NEIL3: variants seen among roughly 807,000 people sequenced by gnomAD.
NEIL3 encodes the protein nei like DNA glycosylase 3.
Under a neutral mutation model 57.5 loss-of-function variants are expected in NEIL3, and 48 were observed. That is an observed-to-expected ratio of 0.83 (90% CI 0.66 to 1.06). NEIL3 has a LOEUF of 1.06. NEIL3 is among the 50% of genes least tolerant of loss of function. NEIL3 has a pLI of 0.00. For missense variants in NEIL3, 717 were observed against 739.1 expected (o/e 0.97, Z 0.35); for synonymous variants, 261 against 253.2 (o/e 1.03, Z -0.29).
intron 1 of NEIL3, among the ~76,000 whole-genome samples, chr4:177,315,145 G>A (rs1040394754): frequency 2.6e-5 from 4 of 151,410 alleles, no homozygotes; most frequent in Non-Finnish European, 5.9e-5. Context: ...GAGTATGAAA[G>A]TAAATATGGT....
In NEIL3 at chr4:177,353,707, G is replaced by T. The variant is rs116685059; in HGVS notation, c.1439G>T (p.Cys480Phe). 1.2e-6 allele frequency: 2 copies of T among 1,612,012 alleles called. No homozygotes were observed. Among genetic ancestry groups the T allele is most frequent in the East Asian group, 2.2e-5 (1 of 44,836 alleles). The change falls in exon 8 of 10, where the codon TGC (cysteine) becomes TTC (phenylalanine). Residue 480 changes from cysteine to phenylalanine, a missense_variant. Cys to Phe is a radical substitution (Grantham distance 205). Coordinates refer to ENST00000264596, the MANE Select transcript of NEIL3 (RefSeq NM_018248.3). ...AQYSSPELKS[C>F]NPGYSNSELQ... ...TACTCATCACCAGAGCTTAAAAGCT[G>T]CAACCCTGGATATTCTAACAGGTAT...
chr4:177,369,143 G>A, the NEIL3 span, among the ~76,000 whole-genome samples: 1 of 152,178 alleles, frequency 6.6e-6, no homozygotes, highest in African/African-American at 2.4e-5. Context: ...GGGAAAATAA[G>A]CACTTTAAGC....
chr4:177,347,245 A>G (rs1346008059), intron 6 of NEIL3, among the ~76,000 whole-genome samples: 3 of 152,094 alleles, frequency 2.0e-5, no homozygotes, highest in Non-Finnish European at 4.4e-5. Context: ...CCAGAAAAGC[A>G]TAAAGCCTCT....
chr4:177,368,918 C>T, the NEIL3 span, among the ~76,000 whole-genome samples: 3 of 152,178 alleles, frequency 2.0e-5, no homozygotes, highest in African/African-American at 7.2e-5. Context: ...CTTACATCTA[C>T]ACTGTATTTA....
chr4:177,353,868 C>T (rs1336344239), intron 8 of NEIL3, 140 bp downstream of exon 8: 6 of 702,502 alleles, frequency 8.5e-6, no homozygotes, highest in African/African-American at 7.3e-5. Flanking sequence ...CGCGTTCAAG[C>T]GATTCTCCTG....
At chr4:177,344,389 T>C (rs1431312521) in intron 6 of NEIL3, among the ~76,000 whole-genome samples, 5 of 152,194 alleles carry the variant, frequency 3.3e-5, no homozygotes, top group Non-Finnish European at 5.9e-5. Flanking sequence ...TGTAAAGTCA[T>C]TTCAAGTTAA....
chr4:177,361,242 A>G (rs1221769183), intron 9 of NEIL3, among the ~76,000 whole-genome samples: 1 of 152,178 alleles, frequency 6.6e-6, no homozygotes, highest in Non-Finnish European at 1.5e-5. Context: ...AAGATAGGAG[A>G]TAAGAACCTC....
Position 177,362,301 on chromosome 4 carries a change from T to G in NEIL3, c.1648T>G (p.Ser550Ala). ...TTTTTTCCTGCAGTGGGCAGATTTGTCCTTCCCATTCTGCAACCATGGCAA... is the reference window on the plus strand; with the variant it reads ...TTTTTTCCTGCAGTGGGCAGATTTGGCCTTCCCATTCTGCAACCATGGCAA... Reference protein sequence around the residue: ...QCGFFEWADLSFPFCNHGKRS... With the variant: ...QCGFFEWADLAFPFCNHGKRS... Residue 550 changes from serine (S) to alanine (A), a missense_variant, in exon 10 of 10, where the codon TCC becomes GCC. Physicochemically the swap from Ser to Ala is moderately conservative, Grantham distance 99. Coordinates refer to ENST00000264596, the MANE Select transcript of NEIL3 (RefSeq NM_018248.3). 3 of 1,604,112 alleles carry G rather than the reference T, an allele frequency of 1.9e-6. No individual in the cohort carries two copies. The highest frequency in any genetic ancestry group is 2.5e-6 in the Non-Finnish European group (3 of 1,176,744).
At chr4:177,358,401 G>A (rs1247273321) in intron 8 of NEIL3, among the ~76,000 whole-genome samples, 6 of 151,884 alleles carry the variant, frequency 4.0e-5, no homozygotes, top group Admixed American at 2.6e-4. Context: ...TCTGCCTCCC[G>A]GGTTCAAGGG....
chr4:177,353,222 T>C, intron 7 of NEIL3, 86 bp from the exon 8 acceptor site: 1 of 1,198,546 alleles, frequency 8.3e-7, no homozygotes, highest in Non-Finnish European at 1.2e-6. Flanking sequence ...GTGAAGTAAA[T>C]TTTTTAATCA....
intron 2 of NEIL3, among the ~76,000 whole-genome samples, chr4:177,329,503 A>G (rs986045293): frequency 1.3e-5 from 2 of 152,210 alleles, no homozygotes; most frequent in Non-Finnish European, 2.9e-5. Flanking sequence ...GTAAAGAAGG[A>G]CATTAAAAAA....
rs1034385952 is a variant in NEIL3 at position 177,322,656 on chromosome 4, G to C, written c.278+76G>C. On this transcript the variant is annotated intron_variant, in intron 2 of 9. Transcript: ENST00000264596. ...TAGAAGGCTAGATGGAGTTTGCCGG[G>C]TGTCACATTTAATCATATAGGAAGT... 239 of 1,571,358 alleles carry C rather than the reference G, an allele frequency of 1.5e-4. 1 individual carries two copies. The highest frequency in any genetic ancestry group is 8.4e-4 in the Middle Eastern group (5 of 5,946).
chr4:177,331,967 T>G (rs1368183406), intron 2 of NEIL3, among the ~76,000 whole-genome samples: 2 of 152,222 alleles, frequency 1.3e-5, no homozygotes, highest in Non-Finnish European at 2.9e-5. Context: ...TCAGCACATC[T>G]TGCATATTCA....
chr4:177,351,535 C>G lies in NEIL3; in HGVS notation c.1025C>G (p.Thr342Ser). 6.2e-7 allele frequency: 1 copy of G among 1,611,556 alleles called. No homozygotes were observed. The highest frequency in any genetic ancestry group is 8.5e-7 in the Non-Finnish European group (1 of 1,179,096). Residue 342 changes from threonine to serine, a missense_variant, in exon 7 of 10, where the codon ACC (threonine) becomes AGC (serine). Thr to Ser is a moderately conservative substitution (Grantham distance 58). Transcript: ENST00000264596. Reference protein sequence around the residue: ...PSSKACDACLTSRPIDSVLKS... With the variant: ...PSSKACDACLSSRPIDSVLKS... ...TCTAAGGCATGTGATGCTTGCTTGA[C>G]CTCAAGGCCTATTGGTAAGACTGAA... is the stretch of plus-strand genomic sequence containing the variant.
intron 5 of NEIL3, 133 bp from the exon 6 acceptor site, chr4:177,341,343 T>G (rs553923174): frequency 5.2e-6 from 3 of 579,680 alleles, no homozygotes; most frequent in Non-Finnish European, 8.6e-6. Context: ...GAAAAGATTA[T>G]ATTGACATAT....
intron 1 of NEIL3, among the ~76,000 whole-genome samples, chr4:177,322,003 C>T (rs1014882958): frequency 1.3e-5 from 2 of 152,174 alleles, no homozygotes; most frequent in Admixed American, 1.3e-4. Context: ...AAAAGTTCAT[C>T]GGTGAAGTTA....
Position 177,324,240 on chromosome 4 carries a change from A to C in NEIL3, c.278+1660A>C, listed in dbSNP as rs377088224. On this transcript the variant is annotated intron_variant, in intron 2 of 9. Transcript: ENST00000264596. ...CATTTTTGACTTCTGCCTCCCACCCACCTGGCTCATCTGCATTTGATAGAG... is the reference window on the plus strand; with the variant it reads ...CATTTTTGACTTCTGCCTCCCACCCCCCTGGCTCATCTGCATTTGATAGAG... 4.5e-4 allele frequency among the ~76,000 whole-genome samples: 68 copies of C among 152,206 alleles called. 2 individuals carry two copies. Among genetic ancestry groups the C allele is most frequent in the African/African-American group, 1.6e-3 (67 of 41,556 alleles).
chr4:177,339,886 AATGT>A (rs747294351), intron 5 of NEIL3, 29 bp downstream of exon 5: 8 of 1,320,236 alleles, frequency 6.1e-6, no homozygotes, highest in South Asian at 5.4e-5. Flanking sequence ...AACTGTGTAA[AATGT>A]AAAATGTCAG....
At chr4:177,320,118 G>C (rs574705641) in intron 1 of NEIL3, among the ~76,000 whole-genome samples, 1 of 152,012 alleles carries the variant, frequency 6.6e-6, no homozygotes, top group African/African-American at 2.4e-5. Context: ...CATACTAATT[G>C]GTTGTCATGG....
Sources: allele counts gnomAD v4.1 joint callset (sites outside exome capture counted in the v4.1 genomes callset), GRCh38; gene constraint gnomAD v4.1.1; transcripts MANE v1.5; gene names NCBI Gene and HGNC (gene_info 2026-07-23, HGNC 2026-07-21).